The following RALGPS1 variants were observed in gnomAD, a reference collection of about 807,000 sequenced individuals.
RALGPS1 encodes the protein Ral GEF with PH domain and SH3 binding motif 1.
RALGPS1 carries 19 observed loss-of-function variants against 78.8 expected under a neutral mutation model. The ratio of observed to expected loss-of-function variants is 0.24; its 90% CI spans 0.17 to 0.35. RALGPS1 has a LOEUF of 0.35. RALGPS1 is among the 10% of genes least tolerant of loss of function. The probability of loss-of-function intolerance (pLI) is 1.00; values close to 1 mark genes in which losing one functional copy is unlikely to be tolerated. For missense variants in RALGPS1, 454 were observed against 688.3 expected (o/e 0.66, Z 3.81); for synonymous variants, 228 against 256.3 (o/e 0.89, Z 1.06).
chr9:127,064,663 G>T (rs1413011469), intron 7 of RALGPS1, among the ~76,000 whole-genome samples: 1 of 152,136 alleles, frequency 6.6e-6, no homozygotes, highest in Non-Finnish European at 1.5e-5. Context: ...TGACTTCTTT[G>T]TATGGTAGAT....
intron 1 of RALGPS1, among the ~76,000 whole-genome samples, chr9:126,961,062 C>T (rs551349855): frequency 7.2e-5 from 11 of 152,184 alleles, no homozygotes; most frequent in Non-Finnish European, 1.3e-4. Context: ...CTCCCAACTC[C>T]CTCCTTACTC....
At chr9:127,202,387 G>A (rs1177281388) in intron 14 of RALGPS1, among the ~76,000 whole-genome samples, 1 of 152,160 alleles carries the variant, frequency 6.6e-6, no homozygotes, top group East Asian at 1.9e-4. Context: ...GGCTGCAGAT[G>A]CCCAGTAGGT....
chr9:127,018,390 C>T (rs1469842963), intron 4 of RALGPS1, among the ~76,000 whole-genome samples: 1 of 151,448 alleles, frequency 6.6e-6, no homozygotes. Flanking sequence ...GTAATCCCAA[C>T]ACTTTGGGAG....
In RALGPS1 at chr9:127,222,024, A is replaced by T. The variant is rs1048287062; in HGVS notation, c.*3255A>T. 6.6e-6 allele frequency: 1 copy of T among 152,226 alleles called. No individual in the cohort carries two copies. Among genetic ancestry groups the T allele is most frequent in the African/African-American group, 2.4e-5 (1 of 41,452 alleles). The allele number at this position is 152,226 out of a possible 1,614,324, so 9.4% of individuals were successfully genotyped here. A position where few individuals can be genotyped will look rare whatever the true frequency, so the allele number is the denominator to read the frequency against. On this transcript the variant is annotated 3_prime_UTR_variant, in exon 19 of 19. Transcript: ENST00000259351. ...TCATTTTTACATATCAAGTGGTTTC[A>T]TGTTAAAAAACAAACTCCTAGTCCT...
rs1216365149 is a variant in RALGPS1 at position 126,929,174 on chromosome 9, C to T, written c.-66+14199C>T. ...TATAATAAATGTTTGAAATGAACAA[C>T]ATCAACAGTAACAAGGTCAGTATGA... On this transcript the variant is annotated intron_variant, in intron 1 of 18. Transcript: ENST00000259351. Among the ~76,000 whole-genome samples the T allele has an allele frequency of 2.0e-5, 3 of 152,156 alleles. No individual in the cohort carries two copies. The East Asian group carries it at 5.8e-4, about 29-fold the overall frequency.
intron 8 of RALGPS1, among the ~76,000 whole-genome samples, chr9:127,142,977 A>G (rs954777288): frequency 4.6e-5 from 7 of 152,256 alleles, no homozygotes; most frequent in African/African-American, 9.6e-5. Context: ...TACAAACTGT[A>G]TAACAATGCT....
At chr9:127,057,558 A>G (rs1015305225) in intron 7 of RALGPS1, among the ~76,000 whole-genome samples, 10 of 152,354 alleles carry the variant, frequency 6.6e-5, no homozygotes, top group South Asian at 4.1e-4. Context: ...TGCCATCTGC[A>G]TACACAAACA....
At chr9:127,215,213 G>C (rs946732803) in intron 18 of RALGPS1, among the ~76,000 whole-genome samples, 2 of 152,184 alleles carry the variant, frequency 1.3e-5, no homozygotes, top group Non-Finnish European at 2.9e-5. Flanking sequence ...TCACTAAAGG[G>C]CCTCCCTGCC....
rs144682851 is a variant in RALGPS1 at position 127,086,908 on chromosome 9, A to T, written c.610+17552A>T. Among the ~76,000 whole-genome samples the T allele has an allele frequency of 1.5e-3, 223 of 152,262 alleles. 1 individual carries two copies. Among genetic ancestry groups the T allele is most frequent in the African/African-American group, 5.0e-3 (208 of 41,554 alleles). ...AGTAGTTGAAGGGAGAGGAGATAAG[A>T]TCCTACGCTAATGCAGGCAAGATGG... On this transcript the variant is annotated intron_variant, in intron 8 of 18. Coordinates refer to ENST00000259351, the MANE Select transcript of RALGPS1 (RefSeq NM_014636.3).
intron 4 of RALGPS1, among the ~76,000 whole-genome samples, chr9:127,021,627 C>CTT (rs58796181): frequency 3.2e-4 from 42 of 131,972 alleles, no homozygotes; most frequent in Admixed American, 9.7e-4. Flanking sequence ...TCTTCTTCTT[C>CTT]TTTTTTTTTT....
chr9:127,143,789 A>G (rs1051049110), intron 8 of RALGPS1, among the ~76,000 whole-genome samples: 1 of 152,234 alleles, frequency 6.6e-6, no homozygotes, highest in Admixed American at 6.5e-5. Flanking sequence ...CAGAGATGAA[A>G]GAGTTCCCAC....
intron 8 of RALGPS1, among the ~76,000 whole-genome samples, chr9:127,158,919 G>A (rs1230757144): frequency 6.6e-6 from 1 of 151,606 alleles, no homozygotes; most frequent in East Asian, 1.9e-4. Context: ...GACAGAGAAG[G>A]GGGTGGAATT....
intron 4 of RALGPS1, among the ~76,000 whole-genome samples, chr9:126,979,583 C>T (rs2041046562): frequency 6.6e-6 from 1 of 152,182 alleles, no homozygotes; most frequent in Admixed American, 6.5e-5. Flanking sequence ...GCCGTGAGCC[C>T]TGAACCTGCA....
chr9:127,218,870 G>A lies in RALGPS1; in HGVS notation c.*101G>A. 2.2e-6 allele frequency: 3 copies of A among 1,374,232 alleles called. No individual in the cohort carries two copies. Among genetic ancestry groups the A allele is most frequent in the Admixed American group, 1.7e-5 (1 of 59,486 alleles). 85.1% of individuals were successfully genotyped at this position (1,374,232 alleles called of 1,614,324 possible). ...GGCACAGGCTGTGAGCCAGGGTGCTGGGAAACTCACAGCTGGACTCAGGGG... is the reference window on the plus strand; with the variant it reads ...GGCACAGGCTGTGAGCCAGGGTGCTAGGAAACTCACAGCTGGACTCAGGGG... On this transcript the variant is annotated 3_prime_UTR_variant, in exon 19 of 19. Transcript: ENST00000259351. The surrounding 1 kb of genome is among the most constrained non-coding windows in gnomAD (Gnocchi z 4.4).
chr9:127,078,443 G>A (rs577428950), intron 8 of RALGPS1, among the ~76,000 whole-genome samples: 51 of 152,116 alleles, frequency 3.4e-4, no homozygotes, highest in African/African-American at 1.1e-3. Context: ...TATCCCAGGC[G>A]GATACCAAGT....
chr9:127,140,965 G>C (rs1001707861), intron 8 of RALGPS1, among the ~76,000 whole-genome samples: 4 of 152,234 alleles, frequency 2.6e-5, no homozygotes, highest in African/African-American at 9.6e-5. Context: ...GAGTCAAGGT[G>C]CCTACAGGGC....
At chr9:127,045,738 CACACACACACACACACACACACAT>C (rs1411647022) in intron 5 of RALGPS1, among the ~76,000 whole-genome samples, 22 of 90,186 alleles carry the variant, frequency 2.4e-4, no homozygotes, top group East Asian at 2.3e-3. Flanking sequence ...AGTACACACA[CACACACACACACACACACACACAT>C]ACACACACAC....
chr9:127,135,720 G>A (rs1380324351), intron 8 of RALGPS1, among the ~76,000 whole-genome samples: 1 of 152,206 alleles, frequency 6.6e-6, no homozygotes, highest in Non-Finnish European at 1.5e-5. Context: ...GAAGGCGGTA[G>A]GGGAGGAAGT....
chr9:127,108,193 T>G, intron 8 of RALGPS1: 1 of 1,614,056 alleles, frequency 6.2e-7, no homozygotes, highest in Non-Finnish European at 8.5e-7. Context: ...GTACTTGTGC[T>G]CCAGGTCCTT....
Sources: gnomAD v4.1 joint callset for allele counts (sites outside exome capture counted in the v4.1 genomes callset) on GRCh38, gnomAD v4.1.1 for gene constraint, Gnocchi (gnomAD v3.1) non-coding constraint, MANE v1.5 for transcripts, NCBI Gene and HGNC (gene_info 2026-07-23, HGNC 2026-07-21) for gene names.